ADGRL2: variants seen among roughly 807,000 people sequenced by gnomAD.
The protein encoded by ADGRL2 is calcium-independent alpha-latrotoxin receptor 2.
In ADGRL2, 44 loss-of-function variants were observed where a neutral mutation model predicts 157.4. The ratio of observed to expected loss-of-function variants is 0.28; its 90% CI spans 0.22 to 0.36. ADGRL2 has a LOEUF of 0.36. ADGRL2 is among the 10% of genes least tolerant of loss of function. The pLI is 1.00. For missense variants in ADGRL2, 1,510 were observed against 1,768.9 expected, an observed-to-expected ratio of 0.85 and a Z score of 2.63; for synonymous variants, 585 against 624.7, an observed-to-expected ratio of 0.94 and a Z score of 0.95.
chr1:81,613,791 G>C (rs889399516), intron 3 of ADGRL2, among the ~76,000 whole-genome samples: 1 of 152,190 alleles, frequency 6.6e-6, no homozygotes, highest in African/African-American at 2.4e-5. Flanking sequence ...TGTGAGCAAT[G>C]CCTATGAACA....
chr1:81,460,178 C>T (rs12043689), intron 2 of ADGRL2, among the ~76,000 whole-genome samples: 1,907 of 151,872 alleles, frequency 0.013, 30 homozygotes, highest in East Asian at 0.041. Flanking sequence ...TTTTCTTTCC[C>T]ATGCAGATGC....
intron 3 of ADGRL2, among the ~76,000 whole-genome samples, chr1:81,655,585 T>TCCCC (rs1214309086): frequency 6.6e-6 from 1 of 152,218 alleles, no homozygotes; most frequent in Non-Finnish European, 1.5e-5. Context: ...TTTCTTTTCT[T>TCCCC]TCTTTTTTGC....
rs2078886037 is a variant in ADGRL2 at position 81,502,900 on chromosome 1, G to A, written c.-248+57811G>A. On this transcript the variant is annotated intron_variant, in intron 2 of 24. Coordinates refer to the ADGRL2 transcript ENST00000370721. ...CATCCTTGGGCTTGGCTCCAGCAGTGGCACCAATACCAGTAGCCCTCGAAT... is the reference window on the plus strand; with the variant it reads ...CATCCTTGGGCTTGGCTCCAGCAGTAGCACCAATACCAGTAGCCCTCGAAT... The A allele has an allele frequency of 1.2e-5, 20 of 1,613,294 alleles. No homozygotes were observed. In the South Asian group the frequency reaches 2.2e-4, roughly 18 times the overall value.
At chr1:81,695,248 T>A (rs1480035848), upstream of ADGRL2, among the ~76,000 whole-genome samples, 7 of 151,798 alleles carry the variant, frequency 4.6e-5, no homozygotes, top group Admixed American at 3.9e-4. Flanking sequence ...TTCTATGTAA[T>A]AAAAAGATAT....
intron 19 of ADGRL2, 188 bp from the exon 20 acceptor site, chr1:81,984,395 G>A: frequency 2.0e-6 from 1 of 512,774 alleles, no homozygotes; most frequent in Non-Finnish European, 3.4e-6. Context: ...AGTGGACAGA[G>A]ATACTTTTCT....
At chr1:81,852,619 G>A (rs2150547725) in intron 2 of ADGRL2, among the ~76,000 whole-genome samples, 1 of 152,200 alleles carries the variant, frequency 6.6e-6, no homozygotes, top group East Asian at 1.9e-4. Flanking sequence ...GAACCTCCAT[G>A]GATTTGAGTA....
chr1:81,805,242 G>C (rs2088941942), intron 1 of ADGRL2, among the ~76,000 whole-genome samples: 1 of 151,944 alleles, frequency 6.6e-6, no homozygotes, highest in Non-Finnish European at 1.5e-5. Context: ...CAAGTGCTTG[G>C]GTCATTTGGG....
intron 1 of ADGRL2, among the ~76,000 whole-genome samples, chr1:81,718,429 C>T (rs1407860614): frequency 6.6e-6 from 1 of 151,740 alleles, no homozygotes. Context: ...TAGCAATAAC[C>T]TGTAGAGCTA....
chr1:81,480,488 T>G (rs2078362037), intron 2 of ADGRL2, among the ~76,000 whole-genome samples: 1 of 152,324 alleles, frequency 6.6e-6, no homozygotes, highest in East Asian at 1.9e-4. Context: ...TATTTCACAT[T>G]ATAAGTTTTA....
chr1:81,382,089 AC>A (rs2076353686), intron 1 of ADGRL2, among the ~76,000 whole-genome samples: 1 of 152,068 alleles, frequency 6.6e-6, no homozygotes, highest in African/African-American at 2.4e-5. Context: ...GACTAACTGA[AC>A]CCTTCTGTGC....
intron 2 of ADGRL2, among the ~76,000 whole-genome samples, chr1:81,843,497 A>G (rs2092678981): frequency 6.6e-6 from 1 of 152,106 alleles, no homozygotes; most frequent in Non-Finnish European, 1.5e-5. Context: ...GATATTCTTT[A>G]TTTTGTTTCA....
chr1:81,950,453 T>C lies in ADGRL2; in HGVS notation c.1475T>C (p.Val492Ala). 1 of 1,613,920 alleles carries C rather than the reference T, an allele frequency of 6.2e-7. No individual in the cohort carries two copies. Among genetic ancestry groups the C allele is most frequent in the Non-Finnish European group, 8.5e-7 (1 of 1,179,838 alleles). Reference sequence around the variant, plus strand: ...CCTCAGACACAAAGGGGAATGATGGTTGAACGACCATGCCCTAAGGGAACA... The same window carrying C: ...CCTCAGACACAAAGGGGAATGATGGCTGAACGACCATGCCCTAAGGGAACA... ...KWPQTQRGMM[V>A]ERPCPKGTRG... The change falls in exon 7 of 24, where the codon GTT (valine) becomes GCT (alanine). Residue 492 changes from valine (V) to alanine (A), a missense_variant. By Grantham distance (64) the Val-to-Ala change is moderately conservative. Around this residue, in one of 4 missense-constraint regions of ADGRL2, gnomAD observed 325 missense variants for 333.2 expected, o/e 0.98. Transcript: ENST00000686636.
chr1:81,667,254 T>C (rs1488464118), intron 3 of ADGRL2, among the ~76,000 whole-genome samples: 2 of 152,208 alleles, frequency 1.3e-5, no homozygotes, highest in South Asian at 2.1e-4. Context: ...AGTTATTTAA[T>C]GTGACCCTTC....
intron 2 of ADGRL2, chr1:81,557,517 G>GAAAGAA (rs1557459294): frequency 6.7e-5 from 10 of 150,368 alleles, no homozygotes; most frequent in African/African-American, 2.4e-4. Context: ...AAGAAAGAAA[G>GAAAGAA]AAAGAAAGAG....
chr1:81,318,363 A>G (rs1043767202), intron 1 of ADGRL2, among the ~76,000 whole-genome samples: 1 of 152,184 alleles, frequency 6.6e-6, no homozygotes, highest in Admixed American at 6.5e-5. Flanking sequence ...GTTATTCCAT[A>G]AAAAGGAAGT....
intron 3 of ADGRL2, among the ~76,000 whole-genome samples, chr1:81,908,479 T>C (rs2094634323): frequency 6.6e-6 from 1 of 152,220 alleles, no homozygotes; most frequent in Non-Finnish European, 1.5e-5. Flanking sequence ...ATAGACACAG[T>C]TGATCCATGC....
intron 1 of ADGRL2, among the ~76,000 whole-genome samples, chr1:81,817,060 C>A (rs1399799333): frequency 6.6e-6 from 1 of 150,830 alleles, no homozygotes; most frequent in African/African-American, 2.4e-5. Flanking sequence ...AATAAATGAA[C>A]GTTATACCCT....
intron 3 of ADGRL2, among the ~76,000 whole-genome samples, chr1:81,597,322 C>A (rs192167199): frequency 2.0e-5 from 3 of 152,068 alleles, no homozygotes; most frequent in Non-Finnish European, 4.4e-5. Flanking sequence ...AGCTTACCAC[C>A]AATGAATTAT....
chr1:81,858,776 C>T (rs774506912), intron 2 of ADGRL2, among the ~76,000 whole-genome samples: 52 of 152,030 alleles, frequency 3.4e-4, no homozygotes, highest in Non-Finnish European at 6.9e-4. Flanking sequence ...ACATAAAAGA[C>T]ACCAAAATGT....
Sources: gnomAD v4.1 joint callset for allele counts (sites outside exome capture counted in the v4.1 genomes callset) on GRCh38, gnomAD v4.1.1 for gene constraint, gnomAD v4.1.1 regional missense constraint, MANE v1.5 for transcripts, NCBI Gene and HGNC (gene_info 2026-07-23, HGNC 2026-07-21) for gene names.